IRAK2: variants seen among roughly 807,000 people sequenced by gnomAD.
IRAK2 encodes interleukin-1 receptor-associated kinase-like 2.
A neutral mutation model predicts 72.0 loss-of-function variants in IRAK2; 57 were observed. That is an observed-to-expected ratio of 0.79 (90% CI 0.64 to 0.99). IRAK2 has a LOEUF of 0.99. Ranked by LOEUF, IRAK2 falls within the 50% of genes least tolerant of loss-of-function variation. The pLI is 0.00. For synonymous variants in IRAK2, 293 were observed against 312.7 expected, an observed-to-expected ratio of 0.94 and a Z score of 0.67; for missense variants, 790 against 794.4, an observed-to-expected ratio of 0.99 and a Z score of 0.07.
intron 10 of IRAK2, among the ~76,000 whole-genome samples, chr3:10,227,997 C>G (rs915717536): frequency 6.6e-6 from 1 of 151,904 alleles, no homozygotes; most frequent in Non-Finnish European, 1.5e-5. Flanking sequence ...TTGTGACAGT[C>G]CAACCATACG....
chr3:10,237,772 G>A (rs1697987703), intron 11 of IRAK2, among the ~76,000 whole-genome samples: 1 of 146,114 alleles, frequency 6.8e-6, no homozygotes, highest in Non-Finnish European at 1.5e-5. Flanking sequence ...CGCCCCTGCA[G>A]TCCGGCCTGG....
At position 10,217,043 on chromosome 3, in the gene IRAK2, G is replaced by A. The variant is rs1409915724; in HGVS notation, c.898G>A (p.Gly300Ser). 6.2e-7 allele frequency: 1 copy of A among 1,607,100 alleles called. No homozygotes were observed. The highest frequency in any genetic ancestry group is 1.1e-5 in the South Asian group (1 of 90,926). ...ANGSLQDRLQ[G>S]QGGSDPLPWP... ...TGGTTCCCTACAGGACAGACTGCAG[G>A]GTCAGGTAAGGGACTGGGTCATGGT... The change falls in exon 7 of 13, where the codon GGT (glycine) becomes AGT (serine). Residue 300 changes from glycine (G) to serine (S), a missense_variant. By Grantham distance (56) the Gly-to-Ser change is moderately conservative (BLOSUM62 0). Transcript: ENST00000256458.
intron 8 of IRAK2, 68 bp from the exon 9 acceptor site, chr3:10,222,568 G>A: frequency 3.0e-6 from 4 of 1,326,264 alleles, no homozygotes; most frequent in Non-Finnish European, 1.1e-6. Flanking sequence ...CTCCCCAAAG[G>A]GTCTCCATGG....
chr3:10,209,212 C>A (rs1697481229), intron 3 of IRAK2, among the ~76,000 whole-genome samples: 1 of 152,152 alleles, frequency 6.6e-6, no homozygotes, highest in Non-Finnish European at 1.5e-5. Context: ...AGCTAGTTCA[C>A]CTCTGTGTCT....
In IRAK2 at chr3:10,177,926, G is replaced by A; in HGVS notation, c.183G>A (p.Leu61=). Reference sequence around the variant, plus strand: ...GTGTGAGCATCACGCGGGAGCTGCTGTGGTGGTGGGGCATGCGGCAGGCCA... The same window carrying A: ...GTGTGAGCATCACGCGGGAGCTGCTATGGTGGTGGGGCATGCGGCAGGCCA... The part of the protein sequence containing the change: ...VQGVSITREL[L]WWWGMRQATV... The change falls in exon 2 of 13, where the codon CTG becomes CTA. Residue 61 remains leucine, a synonymous_variant. Transcript: ENST00000256458. 3 of 1,613,928 alleles carry A rather than the reference G, an allele frequency of 1.9e-6. No homozygotes were observed. Among genetic ancestry groups the A allele is most frequent in the Admixed American group, 1.7e-5 (1 of 60,026 alleles).
intron 2 of IRAK2, among the ~76,000 whole-genome samples, chr3:10,196,605 A>G (rs906883962): frequency 6.6e-6 from 1 of 152,184 alleles, no homozygotes; most frequent in Non-Finnish European, 1.5e-5. Context: ...AGAACCACTG[A>G]AGTGCCCGTG....
At position 10,175,909 on chromosome 3, in the gene IRAK2, A is replaced by G. The variant is rs1299080353; in HGVS notation, c.95-1929A>G. On this transcript the variant is annotated intron_variant, in intron 1 of 12. Transcript: ENST00000256458. Reference sequence around the variant, plus strand: ...CCGTCTCAAAAAAAAAAAAAAAAAAAAAAAGAAAAGATACAAAATCTTACC... The same window carrying G: ...CCGTCTCAAAAAAAAAAAAAAAAAAGAAAAGAAAAGATACAAAATCTTACC... 4.0e-5 allele frequency among the ~76,000 whole-genome samples: 6 copies of G among 149,860 alleles called. No individual in the cohort carries two copies. The South Asian group carries it at 6.2e-4, about 16-fold the overall frequency.
chr3:10,174,068 T>G (rs1484126698), intron 1 of IRAK2, among the ~76,000 whole-genome samples: 1 of 152,132 alleles, frequency 6.6e-6, no homozygotes, highest in Admixed American at 6.5e-5. Flanking sequence ...CATTACGTCA[T>G]GCTGCCTCCC....
At chr3:10,199,560 G>C (rs949053587) in intron 2 of IRAK2, among the ~76,000 whole-genome samples, 7 of 152,170 alleles carry the variant, frequency 4.6e-5, no homozygotes, top group Non-Finnish European at 2.9e-5. Flanking sequence ...GCGTGAAAGG[G>C]AGGTTGTAGG....
At position 10,213,490 on chromosome 3, in the gene IRAK2, T is replaced by C; in HGVS notation, c.730T>C (p.Cys244Arg). The C allele has an allele frequency of 2.5e-6, 4 of 1,614,076 alleles. No individual in the cohort carries two copies. The highest frequency in any genetic ancestry group is 3.4e-6 in the Non-Finnish European group (4 of 1,179,946). Residue 244 changes from cysteine (C) to arginine (R), a missense_variant, in exon 6 of 13, where the codon TGT becomes CGT. Cys to Arg is a radical substitution (Grantham distance 180, BLOSUM62 -3). Coordinates refer to ENST00000256458, the MANE Select transcript of IRAK2 (RefSeq NM_001570.4). ...FVFKKLRETA[C>R]SSPGSIERFF... ...CTGATGTCTTTCTCTACAGACAGCCTGTTCAAGTCCAGGATCAATCGAAAG... is the reference window on the plus strand; with the variant it reads ...CTGATGTCTTTCTCTACAGACAGCCCGTTCAAGTCCAGGATCAATCGAAAG...
chr3:10,192,368 T>G (rs2125148641), intron 2 of IRAK2, among the ~76,000 whole-genome samples: 1 of 152,322 alleles, frequency 6.6e-6, no homozygotes, highest in Admixed American at 6.5e-5. Context: ...CAACAGCTCC[T>G]GGATTTGCCA....
At chr3:10,225,544 G>A (rs370306) in intron 9 of IRAK2, among the ~76,000 whole-genome samples, 10,052 of 152,174 alleles carry the variant, frequency 0.066, 496 homozygotes, top group East Asian at 0.19. Flanking sequence ...GAGTGGATGC[G>A]CTAATGAATA....
intron 2 of IRAK2, among the ~76,000 whole-genome samples, chr3:10,188,256 G>A (rs1697110869): frequency 1.3e-5 from 2 of 152,208 alleles, no homozygotes; most frequent in African/African-American, 4.8e-5. Context: ...TGGCCTGTGA[G>A]GTGAAATTCT....
intron 10 of IRAK2, among the ~76,000 whole-genome samples, chr3:10,229,846 A>T (rs1697832761): frequency 6.6e-6 from 1 of 152,218 alleles, no homozygotes; most frequent in South Asian, 2.1e-4. Context: ...CACGGCTGTA[A>T]TCGCGGCACT....
chr3:10,165,127 C>T (rs968827742), intron 1 of IRAK2, 79 bp downstream of exon 1: 3 of 1,236,138 alleles, frequency 2.4e-6, no homozygotes, highest in South Asian at 1.3e-5. Flanking sequence ...CCGCCAAGCT[C>T]CCTCGGGCAC....
At chr3:10,227,813 C>T (rs1217819024) in intron 10 of IRAK2, among the ~76,000 whole-genome samples, 7 of 151,882 alleles carry the variant, frequency 4.6e-5, no homozygotes, top group South Asian at 4.2e-4. Context: ...GGACTACAGG[C>T]GCCCACCACC....
intron 1 of IRAK2, among the ~76,000 whole-genome samples, chr3:10,165,490 G>T (rs1001758851): frequency 2.6e-5 from 4 of 151,976 alleles, no homozygotes; most frequent in Non-Finnish European, 4.4e-5. Flanking sequence ...AAGGATCTAT[G>T]ATTTAACATA....
At chr3:10,180,646 A>G (rs1167036325) in intron 2 of IRAK2, among the ~76,000 whole-genome samples, 1 of 152,014 alleles carries the variant, frequency 6.6e-6, no homozygotes, top group Non-Finnish European at 1.5e-5. Flanking sequence ...ATCAGACCAG[A>G]TTCAGCACCT....
chr3:10,237,007 C>T (rs1052967630), intron 11 of IRAK2, among the ~76,000 whole-genome samples: 1 of 152,176 alleles, frequency 6.6e-6, no homozygotes, highest in Non-Finnish European at 1.5e-5. Context: ...TTGCTCAGGC[C>T]ATCACACCTG....
Sources: allele counts gnomAD v4.1 joint callset (sites outside exome capture counted in the v4.1 genomes callset), GRCh38; gene constraint gnomAD v4.1.1; transcripts MANE v1.5; gene names NCBI Gene and HGNC (gene_info 2026-07-23, HGNC 2026-07-21).